The following PLXNA4 variants were observed in gnomAD, a reference collection of about 807,000 sequenced individuals.
PLXNA4 encodes the protein plexin A4, also known as plexin-A4.
A neutral mutation model predicts 191.8 loss-of-function variants in PLXNA4; 44 were observed. The ratio of observed to expected loss-of-function variants is 0.23; its 90% CI spans 0.18 to 0.29. PLXNA4 has a LOEUF of 0.29. Ranked by LOEUF, PLXNA4 falls within the 10% of genes least tolerant of loss-of-function variation. The pLI is 1.00. For synonymous variants in PLXNA4, 1,082 were observed against 1,009.5 expected, an observed-to-expected ratio of 1.07 and a Z score of -1.36; for missense variants, 1,800 against 2,488.8, an observed-to-expected ratio of 0.72 and a Z score of 5.89.
At chr7:132,188,998 G>GGAAAGGAAAGGAAAGGA (rs1562908835) in intron 14 of PLXNA4, among the ~76,000 whole-genome samples, 3 of 51,000 alleles carry the variant, frequency 5.9e-5, no homozygotes, top group South Asian at 1.5e-3. Flanking sequence ...GGAAAGGAGA[G>GGAAAGGAAAGGAAAGGA]AGAGAGAGAG....
At chr7:132,419,767 G>A (rs1326950789) in intron 3 of PLXNA4, among the ~76,000 whole-genome samples, 3 of 152,178 alleles carry the variant, frequency 2.0e-5, no homozygotes, top group East Asian at 1.9e-4. Flanking sequence ...TATGGTCTCT[G>A]TCACAACCAC....
rs1450587130 is a variant in PLXNA4 at position 132,126,843 on chromosome 7, T to C, written c.*3636A>G. On this transcript the variant is annotated 3_prime_UTR_variant, in exon 32 of 32. Transcript: ENST00000321063. ...ACCTTGGCCTGTGGGACACTTGGGT[T>C]ATCCACTGTTCCCAAATTTAAAACC... 1 of 152,196 alleles carries C rather than the reference T, an allele frequency of 6.6e-6. No individual in the cohort carries two copies. The highest frequency in any genetic ancestry group is 2.4e-5 in the African/African-American group (1 of 41,448). The allele number at this position is 152,196 out of a possible 1,614,324, so 9.4% of individuals were successfully genotyped here.
intron 1 of PLXNA4, among the ~76,000 whole-genome samples, chr7:132,533,375 G>A: frequency 6.6e-6 from 1 of 152,058 alleles, no homozygotes; most frequent in East Asian, 1.9e-4. Flanking sequence ...AACTGGAGAG[G>A]TGCAAGGCCC....
At chr7:132,438,504 T>C (rs930461836) in intron 3 of PLXNA4, among the ~76,000 whole-genome samples, 1 of 152,360 alleles carries the variant, frequency 6.6e-6, no homozygotes, top group Middle Eastern at 3.4e-3. Context: ...AAACAGGGAA[T>C]GGCTAACTTC....
chr7:132,529,504 T>C (rs567580195), intron 1 of PLXNA4, among the ~76,000 whole-genome samples: 1 of 152,144 alleles, frequency 6.6e-6, no homozygotes, highest in South Asian at 2.1e-4. Flanking sequence ...ACTGGGAAAG[T>C]TTTTTTAAAA....
At chr7:132,569,054 C>A (rs911719662) in intron 1 of PLXNA4, among the ~76,000 whole-genome samples, 1 of 152,238 alleles carries the variant, frequency 6.6e-6, no homozygotes, top group South Asian at 2.1e-4. Flanking sequence ...TATTCCCAAC[C>A]CCAAAGTGAG....
chr7:132,301,063 G>A (rs1801287388), intron 3 of PLXNA4, among the ~76,000 whole-genome samples: 1 of 152,184 alleles, frequency 6.6e-6, no homozygotes, highest in Admixed American at 6.5e-5. Context: ...CCATAGGCCT[G>A]GCCTTCTGCA....
At chr7:132,451,507 G>A (rs1478413820) in intron 3 of PLXNA4, among the ~76,000 whole-genome samples, 1 of 152,176 alleles carries the variant, frequency 6.6e-6, no homozygotes, top group African/African-American at 2.4e-5. Context: ...CAATTAGACA[G>A]AAGCCTGGTC....
chr7:132,539,245 C>T (rs997417737), intron 1 of PLXNA4, among the ~76,000 whole-genome samples: 3 of 152,148 alleles, frequency 2.0e-5, no homozygotes, highest in African/African-American at 7.2e-5. Flanking sequence ...TCCAAGGCCA[C>T]GTAGAGCCAT....
intron 3 of PLXNA4, among the ~76,000 whole-genome samples, chr7:132,429,135 G>A (rs967346604): frequency 6.6e-6 from 1 of 152,164 alleles, no homozygotes; most frequent in African/African-American, 2.4e-5. Flanking sequence ...AGATCATGCA[G>A]CCCAAACTTC....
At chr7:132,337,542 T>A (rs575772887) in intron 3 of PLXNA4, among the ~76,000 whole-genome samples, 13 of 152,348 alleles carry the variant, frequency 8.5e-5, no homozygotes, top group Non-Finnish European at 1.8e-4. Flanking sequence ...CCTCCTGGAA[T>A]TCCGCAGTCA....
rs79336169 is a variant in PLXNA4 at position 132,163,790 on chromosome 7, G to T, written c.4500+352C>A. 9.2e-3 allele frequency among the ~76,000 whole-genome samples: 1,397 copies of T among 152,322 alleles called. 20 individuals carry two copies. Among genetic ancestry groups the T allele is most frequent in the African/African-American group, 0.032 (1,340 of 41,568 alleles). ...CCTCTCTGTCCCCCACTCTCTGCCTGCACGGACCTCTTCTGTAAAGCGTTG... is the reference window on the plus strand; with the variant it reads ...CCTCTCTGTCCCCCACTCTCTGCCTTCACGGACCTCTTCTGTAAAGCGTTG... On this transcript the variant is annotated intron_variant, in intron 24 of 31. Transcript: ENST00000321063.
chr7:132,138,456 C>G lies in PLXNA4; in HGVS notation c.5438+2143G>C, dbSNP rs146873071. On this transcript the variant is annotated intron_variant, in intron 30 of 31. Coordinates refer to ENST00000321063, the MANE Select transcript of PLXNA4 (RefSeq NM_020911.2). The stretch of plus-strand genomic sequence containing the variant: ...TTACTTTCCCCTCCAGGGAGCCAGG[C>G]AAGCTCGGAGGATACCTCCTCTGGG... Among the ~76,000 whole-genome samples the G allele has an allele frequency of 1.0e-2, 1,518 of 152,302 alleles. 15 individuals carry two copies. Among genetic ancestry groups the G allele is most frequent in the Middle Eastern group, 0.02 (6 of 294 alleles).
chr7:132,449,693 C>T (rs748645570), intron 3 of PLXNA4, among the ~76,000 whole-genome samples: 1 of 152,222 alleles, frequency 6.6e-6, no homozygotes, highest in Non-Finnish European at 1.5e-5. Context: ...ACAGCTTCCT[C>T]CAGAACCAGA....
intron 1 of PLXNA4, among the ~76,000 whole-genome samples, chr7:132,517,851 T>C (rs1799001334): frequency 6.6e-6 from 1 of 152,174 alleles, no homozygotes; most frequent in Non-Finnish European, 1.5e-5. Flanking sequence ...CAGGCCTCAT[T>C]TCCATTTCAT....
rs77577772 is a variant in PLXNA4 at position 132,476,697 on chromosome 7, G to T, written c.1371+12595C>A. Among the ~76,000 whole-genome samples the T allele has an allele frequency of 0.028, 4,226 of 152,266 alleles. 269 individuals are homozygous for T. The East Asian group carries it at 0.28, about 10-fold the overall frequency. ...AGGGGGGTTCAGAGGGGAAGTGGGG[G>T]AATCTCTGGAGCTTAAATTACTTAG... is the stretch of plus-strand genomic sequence containing the variant. On this transcript the variant is annotated intron_variant, in intron 3 of 31. Coordinates refer to ENST00000321063, the MANE Select transcript of PLXNA4 (RefSeq NM_020911.2).
At chr7:132,417,614 G>A (rs1414651382) in intron 3 of PLXNA4, among the ~76,000 whole-genome samples, 4 of 149,212 alleles carry the variant, frequency 2.7e-5, no homozygotes, top group Non-Finnish European at 5.9e-5. Flanking sequence ...CAATACAATA[G>A]ATTAATGAAT....
At chr7:132,282,096 AG>A (rs1367077865) in intron 4 of PLXNA4, among the ~76,000 whole-genome samples, 1 of 152,190 alleles carries the variant, frequency 6.6e-6, no homozygotes, top group African/African-American at 2.4e-5. Flanking sequence ...GGCAGACACT[AG>A]CTAGTATCAA....
chr7:132,484,781 TTTAG>T, intron 3 of PLXNA4: 1 of 1,612,030 alleles, frequency 6.2e-7, no homozygotes. Context: ...AATATTTATT[TTTAG>T]TTAAAGTGGA....
Sources: gnomAD v4.1 joint callset for allele counts (sites outside exome capture counted in the v4.1 genomes callset) on GRCh38, gnomAD v4.1.1 for gene constraint, MANE v1.5 for transcripts, NCBI Gene and HGNC (gene_info 2026-07-23, HGNC 2026-07-21) for gene names.